Variants in SEMA3C observed in about 807,000 individuals in gnomAD.
SEMA3C encodes semaphorin 3C, also known as semaphorin-3C.
Under a neutral mutation model 89.4 loss-of-function variants are expected in SEMA3C, and 47 were observed. That is an observed-to-expected ratio of 0.53 (90% CI 0.42 to 0.67). The LOEUF is 0.67. Among genes scored for constraint, SEMA3C ranks in the 30% least tolerant of loss-of-function variants. The pLI, the probability that SEMA3C is intolerant of heterozygous loss-of-function variation, is 0.00. For synonymous variants in SEMA3C, 310 were observed against 320.2 expected (o/e 0.97, Z 0.34); for missense variants, 839 against 929.1 (o/e 0.90, Z 1.26).
rs779165711 is a variant in SEMA3C at position 80,758,321 on chromosome 7, T to C, written c.1643+10A>G. The C allele has an allele frequency of 1.3e-5, 21 of 1,610,468 alleles. No individual in the cohort carries two copies. The highest frequency in any genetic ancestry group is 1.6e-5 in the Non-Finnish European group (19 of 1,178,322). On this transcript the variant is annotated intron_variant, in intron 15 of 17. Transcript: ENST00000265361. Reference sequence around the variant, plus strand: ...ACATTTGGATGTTGAGCCGAGTGTTTAGTGCTCACCGTTTCCCAGTTGGGT... The same window carrying C: ...ACATTTGGATGTTGAGCCGAGTGTTCAGTGCTCACCGTTTCCCAGTTGGGT...
chr7:80,792,537 T>C (rs1000233417), intron 11 of SEMA3C, among the ~76,000 whole-genome samples: 1 of 152,190 alleles, frequency 6.6e-6, no homozygotes, highest in African/African-American at 2.4e-5. Context: ...GCTTATTAAA[T>C]GACCAGTGCC....
intron 2 of SEMA3C, among the ~76,000 whole-genome samples, chr7:80,859,504 CCTCT>C (rs1029649213): frequency 3.9e-5 from 6 of 152,224 alleles, no homozygotes; most frequent in Non-Finnish European, 5.9e-5. Flanking sequence ...CTCAGAAGAG[CCTCT>C]CTAAGTCAGG....
chr7:80,765,187 C>T lies in SEMA3C; in HGVS notation c.1411G>A (p.Glu471Lys), dbSNP rs763505535. Residue 471 changes from glutamate to lysine, a missense_variant, in exon 13 of 18, where the codon GAG becomes AAG. Transcript: ENST00000265361. ...VLPTNNSVSG[E>K]LILEELEVFK... ...ACTTCCAGCTCCTCCAGAATGAGCT[C>T]GCCACTGACAGAGTTGTTAGTAGGA... The T allele has an allele frequency of 1.1e-5, 17 of 1,613,536 alleles. No individual in the cohort carries two copies. Among genetic ancestry groups the T allele is most frequent in the East Asian group, 6.7e-5 (3 of 44,820 alleles).
chr7:80,754,880 T>C (rs1156311824), intron 15 of SEMA3C, among the ~76,000 whole-genome samples: 1 of 151,724 alleles, frequency 6.6e-6, no homozygotes, highest in East Asian at 1.9e-4. Context: ...AGGGTTCAAA[T>C]GATTCTCCTG....
intron 16 of SEMA3C, among the ~76,000 whole-genome samples, chr7:80,750,253 G>C (rs1787893806): frequency 6.6e-6 from 1 of 151,550 alleles, no homozygotes; most frequent in Admixed American, 6.6e-5. Context: ...GTAACTTCAT[G>C]TCAGAATGGG....
At chr7:80,850,274 A>G (rs1203736706) in intron 2 of SEMA3C, among the ~76,000 whole-genome samples, 1 of 152,194 alleles carries the variant, frequency 6.6e-6, no homozygotes, top group Non-Finnish European at 1.5e-5. Context: ...ATATATACCA[A>G]TGACCCCACA....
chr7:80,901,990 T>C (rs1791891696), intron 2 of SEMA3C, among the ~76,000 whole-genome samples: 1 of 152,228 alleles, frequency 6.6e-6, no homozygotes, highest in Non-Finnish European at 1.5e-5. Context: ...TGTCTCGCTG[T>C]CACCCAGGCT....
chr7:80,814,594 C>T (rs144011133), intron 5 of SEMA3C, among the ~76,000 whole-genome samples: 133 of 152,106 alleles, frequency 8.7e-4, no homozygotes, highest in African/African-American at 3.0e-3. Flanking sequence ...TTATATTTAA[C>T]GGCCTACTTG....
chr7:80,801,070 A>C (rs540204520), intron 9 of SEMA3C, among the ~76,000 whole-genome samples: 1 of 152,202 alleles, frequency 6.6e-6, no homozygotes, highest in South Asian at 2.1e-4. Context: ...AAATAATATT[A>C]TGGGGAAAAA....
chr7:80,905,737 T>C (rs1416430792), intron 2 of SEMA3C: 1 of 640,874 alleles, frequency 1.6e-6, no homozygotes, highest in Non-Finnish European at 2.5e-6. Flanking sequence ...GCTTTTAAAA[T>C]GTCACCTTCT....
At chr7:80,766,345 G>T (rs1443463679) in intron 12 of SEMA3C, among the ~76,000 whole-genome samples, 1 of 152,200 alleles carries the variant, frequency 6.6e-6, no homozygotes, top group Non-Finnish European at 1.5e-5. Context: ...ACTGGTTGCA[G>T]CTGGTGCTGA....
rs1360667821 is a variant in SEMA3C at position 80,765,302 on chromosome 7, G to C, written c.1355-59C>G. ...ATACTTTTTAAAAGAAAGCTATTTA[G>C]ACATAGGACTACTGACTTGGACCAT... On this transcript the variant is annotated intron_variant, in intron 12 of 17. Coordinates refer to ENST00000265361, the MANE Select transcript of SEMA3C (RefSeq NM_006379.5). The C allele has an allele frequency of 2.0e-5, 25 of 1,233,618 alleles. No homozygotes were observed. In the East Asian group the frequency reaches 5.4e-4, roughly 27 times the overall value. The allele number at this position is 1,233,618 out of a possible 1,614,324, so 76.4% of individuals were successfully genotyped here. A position where few individuals can be genotyped will look rare whatever the true frequency, so the allele number is the denominator to read the frequency against.
Position 80,916,669 on chromosome 7 carries a change from A to T in SEMA3C, c.103+10T>A. On this transcript the variant is annotated intron_variant, in intron 2 of 17. Coordinates refer to ENST00000265361, the MANE Select transcript of SEMA3C (RefSeq NM_006379.5). ...AACATTTTTCCCAGAGTGTTTATCAACTCTCTTACCATCAAATGTTAAATA... is the reference window on the plus strand; with the variant it reads ...AACATTTTTCCCAGAGTGTTTATCATCTCTCTTACCATCAAATGTTAAATA... The T allele has an allele frequency of 6.2e-7, 1 of 1,604,002 alleles. No individual in the cohort carries two copies. Among genetic ancestry groups the T allele is most frequent in the Non-Finnish European group, 8.5e-7 (1 of 1,176,338 alleles).
Position 80,827,552 on chromosome 7 carries a change from C to A in SEMA3C, c.265-65G>T. On this transcript the variant is annotated intron_variant, in intron 3 of 17. Coordinates refer to ENST00000265361, the MANE Select transcript of SEMA3C (RefSeq NM_006379.5). Reference sequence around the variant, plus strand: ...GGACATATGACAGCCCAGTGCTCTTCATTTACTTTTTGTTAACAGATTTAT... The same window carrying A: ...GGACATATGACAGCCCAGTGCTCTTAATTTACTTTTTGTTAACAGATTTAT... 2.3e-6 allele frequency: 3 copies of A among 1,320,074 alleles called. No homozygotes were observed. In the South Asian group the frequency reaches 4.7e-5, roughly 21 times the overall value. The allele number at this position is 1,320,074 out of a possible 1,614,324, so 81.8% of individuals were successfully genotyped here. A position where few individuals can be genotyped will look rare whatever the true frequency, so the allele number is the denominator to read the frequency against.
chr7:80,751,336 C>T lies in SEMA3C; in HGVS notation c.1644G>A (p.Arg548=). 6.2e-7 allele frequency: 1 copy of T among 1,613,498 alleles called. No individual in the cohort carries two copies. The highest frequency in any genetic ancestry group is 1.3e-5 in the African/African-American group (1 of 75,034). The change falls in exon 16 of 18, where the codon CGG becomes CGA. Residue 548 remains arginine (R), a splice_region_variant and synonymous_variant. Transcript: ENST00000265361. The part of the protein sequence containing the change: ...SCSRFYPTGK[R]RSRRQDVRHG... ...GTCTCACATCTTGTCTTCGGCTCCTCCTGCAAGTGCAGAAATACATAAAAG... is the reference window on the plus strand; with the variant it reads ...GTCTCACATCTTGTCTTCGGCTCCTTCTGCAAGTGCAGAAATACATAAAAG...
At chr7:80,834,407 G>A (rs1302061635) in intron 2 of SEMA3C, among the ~76,000 whole-genome samples, 2 of 152,108 alleles carry the variant, frequency 1.3e-5, no homozygotes, top group Admixed American at 6.5e-5. Context: ...AAAGCTGGAA[G>A]AACAATAGGT....
chr7:80,750,435 CATATATATATAT>C lies in SEMA3C; in HGVS notation c.1711+822_1711+833del, dbSNP rs71520704. Among the ~76,000 whole-genome samples the C allele has an allele frequency of 3.3e-3, 237 of 71,078 alleles. 2 individuals carry two copies. Among genetic ancestry groups the C allele is most frequent in the African/African-American group, 0.012 (215 of 17,772 alleles). 46.6% of individuals were successfully genotyped at this position (71,078 alleles called of 152,430 possible). ...TATGGCTTACCTACATACATACGTA[CATATATATATAT>C]ATATATATATATATATATATATATA... On this transcript the variant is annotated intron_variant, in intron 16 of 17. Transcript: ENST00000265361.
At chr7:80,794,451 T>C (rs1488870657) in intron 11 of SEMA3C, among the ~76,000 whole-genome samples, 2 of 152,118 alleles carry the variant, frequency 1.3e-5, no homozygotes, top group Non-Finnish European at 2.9e-5. Context: ...CTGAATGTTT[T>C]CAAACATCTA....
intron 12 of SEMA3C, among the ~76,000 whole-genome samples, chr7:80,770,532 A>G (rs959073558): frequency 1.1e-4 from 16 of 152,234 alleles, no homozygotes; most frequent in Non-Finnish European, 2.1e-4. Context: ...CGTAAATAAT[A>G]ACCATGCTTT....
Sources: allele counts gnomAD v4.1 joint callset (sites outside exome capture counted in the v4.1 genomes callset), GRCh38; gene constraint gnomAD v4.1.1; transcripts MANE v1.5; gene names NCBI Gene and HGNC (gene_info 2026-07-23, HGNC 2026-07-21).